The following CAMK2D variants were observed in gnomAD, a reference collection of about 807,000 sequenced individuals.
The protein encoded by CAMK2D is calcium/calmodulin-dependent protein kinase type II subunit delta.
Under a neutral mutation model 84.0 loss-of-function variants are expected in CAMK2D, and 37 were observed. The ratio of observed to expected loss-of-function variants is 0.44; its 90% CI spans 0.34 to 0.58. CAMK2D has a LOEUF of 0.58. Ranked by LOEUF, CAMK2D falls within the 20% of genes least tolerant of loss-of-function variation. CAMK2D has a pLI of 0.02. For synonymous variants in CAMK2D, 202 were observed against 212.5 expected, an observed-to-expected ratio of 0.95 and a Z score of 0.43; for missense variants, 448 against 652.5, an observed-to-expected ratio of 0.69 and a Z score of 3.41.
intron 15 of CAMK2D, among the ~76,000 whole-genome samples, chr4:113,502,435 A>T (rs1009178078): frequency 1.5e-4 from 23 of 150,618 alleles, no homozygotes; most frequent in African/African-American, 5.1e-4. Context: ...ATCATCACCA[A>T]CAAGGAATTA....
At chr4:113,537,533 G>GA (rs1264191810) in intron 6 of CAMK2D, 90 bp from the exon 7 acceptor site, 8 of 748,006 alleles carry the variant, frequency 1.1e-5, no homozygotes, top group South Asian at 9.9e-5. Context: ...GGATTAGGGG[G>GA]AAAAAATTCA....
At chr4:113,544,902 TCTC>T (rs746594397) in intron 6 of CAMK2D, among the ~76,000 whole-genome samples, 102 of 152,082 alleles carry the variant, frequency 6.7e-4, no homozygotes, top group Middle Eastern at 6.4e-3. Flanking sequence ...CCCTGACTCT[TCTC>T]CTATTGCTTG....
At chr4:113,551,269 A>T (rs1335574008) in intron 5 of CAMK2D, among the ~76,000 whole-genome samples, 1 of 152,220 alleles carries the variant, frequency 6.6e-6, no homozygotes, top group East Asian at 1.9e-4. Context: ...TAGCCTAGGA[A>T]GTTGCAAATT....
intron 3 of CAMK2D, among the ~76,000 whole-genome samples, chr4:113,626,175 A>G (rs1305064822): frequency 6.6e-6 from 1 of 152,190 alleles, no homozygotes; most frequent in Middle Eastern, 3.2e-3. Flanking sequence ...AATGATGTCA[A>G]TGTCCTCAGT....
In CAMK2D at chr4:113,712,502, C is replaced by A. The variant is rs187509014; in HGVS notation, c.160+46818G>T. Among the ~76,000 whole-genome samples, 16 of 152,026 alleles carry A rather than the reference C, an allele frequency of 1.1e-4. No individual in the cohort carries two copies. In the East Asian group the frequency reaches 2.9e-3, roughly 28 times the overall value. ...TTAAATATTAACAAATCAGCAAAAGCTATATACCATTACTTCATTCACCTC... is the reference window on the plus strand; with the variant it reads ...TTAAATATTAACAAATCAGCAAAAGATATATACCATTACTTCATTCACCTC... On this transcript the variant is annotated intron_variant, in intron 2 of 20. Transcript: ENST00000511664.
In CAMK2D at chr4:113,681,448, G is replaced by GT. The variant is rs924382394; in HGVS notation, c.161-19677dup. On this transcript the variant is annotated intron_variant, in intron 2 of 20. Transcript: ENST00000511664. ...GTTTGCTTCCCCTTCCACCATGATT[G>GT]TAAGTTTCCTGAGGCTTCCCCAGCA... 6.6e-5 allele frequency among the ~76,000 whole-genome samples: 10 copies of GT among 152,258 alleles called. No individual in the cohort carries two copies. In the East Asian group the frequency reaches 1.7e-3, roughly 26 times the overall value.
In CAMK2D at chr4:113,511,466, CAA is replaced by C. The variant is rs1464933907; in HGVS notation, c.947-1793_947-1792del. On this transcript the variant is annotated intron_variant, in intron 12 of 20. Coordinates refer to ENST00000511664, the MANE Select transcript of CAMK2D (RefSeq NM_001321571.2). Reference sequence around the variant, plus strand: ...CATTAATAAAGGCCCAATTTATGCCCAAGAGTGTATTTAACACTTCTTTAACA... The same window carrying C: ...CATTAATAAAGGCCCAATTTATGCCCGAGTGTATTTAACACTTCTTTAACA... Among the ~76,000 whole-genome samples, 4 of 152,072 alleles carry C rather than the reference CAA, an allele frequency of 2.6e-5. No homozygotes were observed. The East Asian group carries it at 7.7e-4, about 29-fold the overall frequency.
intron 3 of CAMK2D, among the ~76,000 whole-genome samples, chr4:113,626,272 C>T (rs141741283): frequency 2.2e-4 from 33 of 152,176 alleles, no homozygotes; most frequent in South Asian, 4.1e-4. Context: ...TATCATCTAA[C>T]GGAGAAATCA....
intron 3 of CAMK2D, among the ~76,000 whole-genome samples, chr4:113,643,749 G>A (rs2099141216): frequency 6.6e-6 from 1 of 152,182 alleles, no homozygotes; most frequent in South Asian, 2.1e-4. Flanking sequence ...GATTCCAAGT[G>A]CTTATTTCCC....
intron 2 of CAMK2D, among the ~76,000 whole-genome samples, chr4:113,702,885 C>T (rs142608674): frequency 2.6e-3 from 392 of 151,870 alleles, no homozygotes; most frequent in Non-Finnish European, 4.2e-3. Context: ...GGTGACAGAA[C>T]GAGACTCTTA....
At chr4:113,619,274 G>A (rs1301990308) in intron 3 of CAMK2D, among the ~76,000 whole-genome samples, 1 of 152,038 alleles carries the variant, frequency 6.6e-6, no homozygotes, top group East Asian at 1.9e-4. Flanking sequence ...ACTGTTACAA[G>A]CCTGATCTAT....
Position 113,625,044 on chromosome 4 carries a change from C to A in CAMK2D, c.221-15838G>T, listed in dbSNP as rs181354154. ...CATGGAATCAGTTGGAAGAGACCACCTGCCTAGTCAGCCAGATGTCTGGTG... is the reference window on the plus strand; with the variant it reads ...CATGGAATCAGTTGGAAGAGACCACATGCCTAGTCAGCCAGATGTCTGGTG... On this transcript the variant is annotated intron_variant, in intron 3 of 20. Coordinates refer to ENST00000511664, the MANE Select transcript of CAMK2D (RefSeq NM_001321571.2). Among the ~76,000 whole-genome samples the A allele has an allele frequency of 2.0e-3, 311 of 152,312 alleles. 3 individuals are homozygous for A. The highest frequency in any genetic ancestry group is 3.7e-3 in the Non-Finnish European group (249 of 68,030).
intron 4 of CAMK2D, among the ~76,000 whole-genome samples, chr4:113,576,943 A>C (rs935930006): frequency 1.3e-5 from 2 of 152,112 alleles, no homozygotes; most frequent in Non-Finnish European, 2.9e-5. Flanking sequence ...GGTTTTCCTA[A>C]TTCCCAGAAT....
Position 113,572,073 on chromosome 4 carries a change from TAA to T in CAMK2D, c.276-19979_276-19978del, listed in dbSNP as rs72617834. ...CCCTGCAACATGAAAACAGTTTTCA[TAA>T]AAAAAAAAAGGAAGTGTTTCACTAT... On this transcript the variant is annotated intron_variant, in intron 4 of 20. Coordinates refer to ENST00000511664, the MANE Select transcript of CAMK2D (RefSeq NM_001321571.2). Among the ~76,000 whole-genome samples, 4 of 146,138 alleles carry T rather than the reference TAA, an allele frequency of 2.7e-5. No individual in the cohort carries two copies. In the East Asian group the frequency reaches 5.9e-4, roughly 22 times the overall value.
At chr4:113,696,902 G>A (rs1247723703) in intron 2 of CAMK2D, among the ~76,000 whole-genome samples, 18 of 91,926 alleles carry the variant, frequency 2.0e-4, no homozygotes. Flanking sequence ...TGCATCTAAT[G>A]GAAAGATGGT....
intron 2 of CAMK2D, among the ~76,000 whole-genome samples, chr4:113,707,040 G>A (rs985875345): frequency 2.4e-4 from 37 of 152,156 alleles, no homozygotes; most frequent in African/African-American, 8.7e-4. Flanking sequence ...GGCCACGTGC[G>A]AGAATTGAAA....
At chr4:113,527,275 T>C (rs2098425209) in intron 8 of CAMK2D, among the ~76,000 whole-genome samples, 1 of 152,012 alleles carries the variant, frequency 6.6e-6, no homozygotes, top group Non-Finnish European at 1.5e-5. Flanking sequence ...TTTTTTTTCT[T>C]TTTTCTTTTT....
At chr4:113,689,043 G>A (rs2154339972) in intron 2 of CAMK2D, among the ~76,000 whole-genome samples, 1 of 151,524 alleles carries the variant, frequency 6.6e-6, no homozygotes, top group South Asian at 2.1e-4. Flanking sequence ...AAGAGATCGA[G>A]ACCATCCTGG....
rs191804892 is a variant in CAMK2D at position 113,565,574 on chromosome 4, C to T, written c.276-13478G>A. 1.4e-3 allele frequency among the ~76,000 whole-genome samples: 216 copies of T among 151,560 alleles called. 2 individuals carry two copies. The highest frequency in any genetic ancestry group is 5.2e-3 in the African/African-American group (213 of 41,288). ...GTTGAGGTAGGAGAATCGCTCGACCCCGGGAGGCAGAGGTTGCAGTGAGCC... is the reference window on the plus strand; with the variant it reads ...GTTGAGGTAGGAGAATCGCTCGACCTCGGGAGGCAGAGGTTGCAGTGAGCC... On this transcript the variant is annotated intron_variant, in intron 4 of 20. Transcript: ENST00000511664.
Sources: allele counts gnomAD v4.1 joint callset (sites outside exome capture counted in the v4.1 genomes callset), GRCh38; gene constraint gnomAD v4.1.1; transcripts MANE v1.5; gene names NCBI Gene and HGNC (gene_info 2026-07-23, HGNC 2026-07-21).